Variants in ACAA1 observed in about 807,000 individuals in gnomAD.
The protein encoded by ACAA1 is 3-ketoacyl-CoA thiolase, peroxisomal.
In ACAA1, 44 loss-of-function variants were observed where a neutral mutation model predicts 48.8. The ratio of observed to expected loss-of-function variants is 0.90; its 90% CI spans 0.71 to 1.16. The LOEUF is 1.16. Among genes scored for constraint, ACAA1 ranks in the 50% most tolerant of loss-of-function variants. ACAA1 has a pLI of 0.00. For synonymous variants in ACAA1, 233 were observed against 226.5 expected, an observed-to-expected ratio of 1.03 and a Z score of -0.26; for missense variants, 512 against 562.3, an observed-to-expected ratio of 0.91 and a Z score of 0.90.
intron 3 of ACAA1, chr3:38,132,316 C>G (rs1038664629): frequency 1.1e-5 from 2 of 186,078 alleles, no homozygotes; most frequent in African/African-American, 4.7e-5. Context: ...CACAGGGATC[C>G]TTCTCTCTCT....
chr3:38,134,054 G>C, intron 2 of ACAA1, 45 bp from the exon 3 acceptor site: 1 of 1,576,848 alleles, frequency 6.3e-7, no homozygotes, highest in South Asian at 1.1e-5. Context: ...GTGGTGTTCT[G>C]GGCACTAAAG....
chr3:38,124,138 T>G (rs894976397), intron 11 of ACAA1: 2 of 151,990 alleles, frequency 1.3e-5, no homozygotes, highest in Non-Finnish European at 2.9e-5. Flanking sequence ...GCATAAACAC[T>G]CAGGTATGCT....
chr3:38,127,353 G>A (rs1009174045), intron 7 of ACAA1, among the ~76,000 whole-genome samples: 1 of 152,122 alleles, frequency 6.6e-6, no homozygotes. Context: ...CTGGACAGCC[G>A]GGACTTGCCA....
At chr3:38,132,195 T>C in intron 3 of ACAA1, 190 bp from the exon 4 acceptor site, 1 of 461,164 alleles carries the variant, frequency 2.2e-6, no homozygotes. Context: ...AGACCCCATC[T>C]CTGCAGGCAC....
At chr3:38,125,293 C>G (rs1006263639) in intron 11 of ACAA1, 3 of 323,238 alleles carry the variant, frequency 9.3e-6, no homozygotes, top group Non-Finnish European at 1.7e-5. Context: ...GATTTTTCTC[C>G]TTGACTAGTC....
chr3:38,135,973 T>C (rs887030103), intron 2 of ACAA1, among the ~76,000 whole-genome samples: 1 of 152,222 alleles, frequency 6.6e-6, no homozygotes, highest in Admixed American at 6.5e-5. Flanking sequence ...CCAGGCTTTC[T>C]TGGGCAGAGG....
rs915688598 is a variant in ACAA1, at chr3:38,126,121, T to C, written c.997+41A>G. 9 of 1,597,824 alleles carry C rather than the reference T, an allele frequency of 5.6e-6. No individual in the cohort carries two copies. Among genetic ancestry groups the C allele is most frequent in the African/African-American group, 2.7e-5 (2 of 74,574 alleles). On this transcript the variant is annotated intron_variant, in intron 9 of 11. Coordinates refer to ENST00000333167, the MANE Select transcript of ACAA1 (RefSeq NM_001607.4). This position sits in a 1 kb window ranked among gnomAD's most constrained non-coding sequence, Gnocchi z 4.7. Reference sequence around the variant, plus strand: ...AACAGCATGCAGGGCAGCTGCAGGATCCAGGTGGGACCCAGATACTATATG... The same window carrying C: ...AACAGCATGCAGGGCAGCTGCAGGACCCAGGTGGGACCCAGATACTATATG...
intron 2 of ACAA1, among the ~76,000 whole-genome samples, chr3:38,135,589 A>T (rs1176983946): frequency 6.6e-6 from 1 of 152,054 alleles, no homozygotes; most frequent in East Asian, 1.9e-4. Flanking sequence ...TTTATGTTTG[A>T]CTTTACACAA....
In ACAA1 at chr3:38,125,662, G is replaced by T; in HGVS notation, c.1102C>A (p.Pro368Thr). 1 of 1,599,254 alleles carries T rather than the reference G, an allele frequency of 6.3e-7. No individual in the cohort carries two copies. The highest frequency in any genetic ancestry group is 8.5e-7 in the Non-Finnish European group (1 of 1,171,528). The change falls in exon 11 of 12, where the codon CCC becomes ACC. Residue 368 changes from proline to threonine, a missense_variant. Physicochemically the swap from Pro to Thr is conservative, Grantham distance 38 (BLOSUM62 -1). Coordinates refer to ENST00000333167, the MANE Select transcript of ACAA1 (RefSeq NM_001607.4). ...CCTAAGGCCACTGCACCCCCCAGGG[G>T]GTTCACCTTCTCAGGGGGGAGTCGT... ...KLRLPPEKVN[P>T]LGGAVALGHP...
intron 5 of ACAA1, among the ~76,000 whole-genome samples, chr3:38,130,400 A>G (rs1700763160): frequency 6.6e-6 from 1 of 152,254 alleles, no homozygotes; most frequent in African/African-American, 2.4e-5. Context: ...TTTATAGATC[A>G]GGAGACTGAG....
intron 2 of ACAA1, chr3:38,135,305 A>C (rs1460706186): frequency 6.6e-6 from 1 of 152,228 alleles, no homozygotes; most frequent in Non-Finnish European, 1.5e-5. Context: ...CTGAGAAAAG[A>C]AATGACACAG....
chr3:38,122,859 C>A lies in ACAA1; in HGVS notation c.*188G>T. 1.3e-6 allele frequency: 1 copy of A among 779,372 alleles called. No individual in the cohort carries two copies. Among genetic ancestry groups the A allele is most frequent in the South Asian group, 1.8e-5 (1 of 54,420 alleles). The allele number at this position is 779,372 out of a possible 1,614,324, so 48.3% of individuals were successfully genotyped here. A position where few individuals can be genotyped will look rare whatever the true frequency, so the allele number is the denominator to read the frequency against. On this transcript the variant is annotated 3_prime_UTR_variant, in exon 12 of 12. Transcript: ENST00000333167. ...AAAGAGGGTCTGATGGGTGGCTCAACACCCCACCCACTCCTATACCATGTC... is the reference window on the plus strand; with the variant it reads ...AAAGAGGGTCTGATGGGTGGCTCAAAACCCCACCCACTCCTATACCATGTC...
rs908563509 is a variant in ACAA1, at chr3:38,129,994, C to T, written c.447-606G>A. Among the ~76,000 whole-genome samples, 21 of 152,102 alleles carry T rather than the reference C, an allele frequency of 1.4e-4. No homozygotes were observed. The highest frequency in any genetic ancestry group is 2.8e-4 in the Non-Finnish European group (19 of 68,034). On this transcript the variant is annotated intron_variant, in intron 5 of 11. Transcript: ENST00000333167. This position sits in a 1 kb window ranked among gnomAD's most constrained non-coding sequence, Gnocchi z 5.3. Reference sequence around the variant, plus strand: ...GGCGGAACTTGCAGTGAGATGAGATCGTGTCACTGCACTCCAGCCTGGGCG... The same window carrying T: ...GGCGGAACTTGCAGTGAGATGAGATTGTGTCACTGCACTCCAGCCTGGGCG...
At position 38,130,129 on chromosome 3, in the gene ACAA1, G is replaced by C. The variant is rs192444568; in HGVS notation, c.447-741C>G. 1.1e-4 allele frequency among the ~76,000 whole-genome samples: 17 copies of C among 152,340 alleles called. No homozygotes were observed. The East Asian group carries it at 3.3e-3, about 29-fold the overall frequency. On this transcript the variant is annotated intron_variant, in intron 5 of 11. Transcript: ENST00000333167. ...ACCTGCATAGACAAGGAAGTGCTACGAGCTGAGAGGAAGGAGACGGCAGTG... is the reference window on the plus strand; with the variant it reads ...ACCTGCATAGACAAGGAAGTGCTACCAGCTGAGAGGAAGGAGACGGCAGTG...
chr3:38,131,261 C>G (rs1320993946), intron 5 of ACAA1, among the ~76,000 whole-genome samples: 3 of 152,228 alleles, frequency 2.0e-5, no homozygotes, highest in Admixed American at 6.5e-5. Flanking sequence ...ACTTCTCTCT[C>G]AGCAGCATCA....
In ACAA1 at chr3:38,122,780, T is replaced by C. The variant is rs1473883146; in HGVS notation, c.*267A>G. The C allele has an allele frequency of 1.6e-5, 19 of 1,156,256 alleles. No homozygotes were observed. The highest frequency in any genetic ancestry group is 2.2e-5 in the Non-Finnish European group (19 of 852,996). The allele number at this position is 1,156,256 out of a possible 1,614,324, so 71.6% of individuals were successfully genotyped here. On this transcript the variant is annotated 3_prime_UTR_variant, in exon 12 of 12. Coordinates refer to ENST00000333167, the MANE Select transcript of ACAA1 (RefSeq NM_001607.4). ...CCATGGATTTGCCTTGCCTTAAGAA[T>C]TAACCATGGCCTTGTGGCCTGGGTG... is the stretch of plus-strand genomic sequence containing the variant.
intron 2 of ACAA1, 135 bp from the exon 3 acceptor site, chr3:38,134,144 TGGAACATCAGGGTTTG>T: frequency 1.2e-6 from 1 of 817,436 alleles, no homozygotes; most frequent in Non-Finnish European, 1.9e-6. Flanking sequence ...CTTGCAACTC[TGGAACATCAGGGTTTG>T]GGGCAGGGAG....
At chr3:38,136,749 C>A in intron 1 of ACAA1, 64 bp from the exon 2 acceptor site, 1 of 1,515,370 alleles carries the variant, frequency 6.6e-7, no homozygotes, top group Non-Finnish European at 8.8e-7. Context: ...GGAGACAAAG[C>A]GACCACAGCT....
chr3:38,135,085 A>G (rs1343885087), intron 2 of ACAA1: 1 of 152,208 alleles, frequency 6.6e-6, no homozygotes, highest in Non-Finnish European at 1.5e-5. Flanking sequence ...TGCTACACTG[A>G]GATGTCTGGG....
Sources: allele counts gnomAD v4.1 joint callset (sites outside exome capture counted in the v4.1 genomes callset), GRCh38; gene constraint gnomAD v4.1.1; non-coding constraint Gnocchi (gnomAD v3.1); transcripts MANE v1.5; gene names NCBI Gene and HGNC (gene_info 2026-07-23, HGNC 2026-07-21).